The following STIMATE variants were observed in gnomAD, a reference collection of about 807,000 sequenced individuals.
STIMATE encodes STIM activating enhancer.
Under a neutral mutation model 36.7 loss-of-function variants are expected in STIMATE, and 15 were observed. The ratio of observed to expected loss-of-function variants is 0.41; its 90% CI spans 0.27 to 0.63. The LOEUF is 0.63. Ranked by LOEUF, STIMATE falls within the 20% of genes least tolerant of loss-of-function variation. STIMATE has a pLI of 0.32. For synonymous variants in STIMATE, 163 were observed against 162.3 expected (o/e 1.00, Z -0.03); for missense variants, 305 against 397.3 (o/e 0.77, Z 1.98).
chr3:52,877,830 T>C (rs1701526914), intron 1 of STIMATE, among the ~76,000 whole-genome samples: 2 of 152,110 alleles, frequency 1.3e-5, no homozygotes, highest in Admixed American at 6.5e-5. Flanking sequence ...GTGTGGTGGC[T>C]CACGCCTGTA....
At chr3:52,857,728 A>C (rs1701131148) in intron 1 of STIMATE, among the ~76,000 whole-genome samples, 1 of 150,208 alleles carries the variant, frequency 6.7e-6, no homozygotes, top group Non-Finnish European at 1.5e-5. Flanking sequence ...AATACAACAA[A>C]TTATATAATA....
intron 1 of STIMATE, among the ~76,000 whole-genome samples, chr3:52,890,704 T>A (rs1266954916): frequency 6.6e-6 from 1 of 152,272 alleles, no homozygotes; most frequent in Non-Finnish European, 1.5e-5. Flanking sequence ...AGGATAATTC[T>A]TCTGGGTAAA....
At chr3:52,882,864 GGGA>G (rs1322618001) in intron 1 of STIMATE, among the ~76,000 whole-genome samples, 6 of 152,280 alleles carry the variant, frequency 3.9e-5, no homozygotes, top group Admixed American at 1.3e-4. Flanking sequence ...AGCAGTGCAT[GGGA>G]GGATGGAGAA....
intron 1 of STIMATE, among the ~76,000 whole-genome samples, chr3:52,875,785 C>T (rs556918944): frequency 5.5e-4 from 84 of 152,312 alleles, no homozygotes; most frequent in African/African-American, 2.0e-3. Context: ...GATGATTACA[C>T]CTGCCCTCTT....
chr3:52,880,641 G>C (rs565405411), intron 1 of STIMATE, among the ~76,000 whole-genome samples: 1 of 152,068 alleles, frequency 6.6e-6, no homozygotes, highest in Non-Finnish European at 1.5e-5. Flanking sequence ...CTTTGAAAGG[G>C]CTCATAGGAA....
At chr3:52,850,711 GC>G (rs1700983554) in intron 3 of STIMATE, among the ~76,000 whole-genome samples, 1 of 151,276 alleles carries the variant, frequency 6.6e-6, no homozygotes, top group Non-Finnish European at 1.5e-5. Context: ...CTGCAGTCAA[GC>G]ATAAGTAATA....
intron 1 of STIMATE, among the ~76,000 whole-genome samples, chr3:52,878,019 G>A (rs542854463): frequency 1.5e-3 from 234 of 151,966 alleles, no homozygotes; most frequent in Middle Eastern, 3.4e-3. Flanking sequence ...GCATGAACCC[G>A]GGAGGTGGAG....
intron 1 of STIMATE, among the ~76,000 whole-genome samples, chr3:52,857,739 A>C (rs1290701241): frequency 3.3e-5 from 5 of 149,916 alleles, no homozygotes; most frequent in South Asian, 4.2e-4. Context: ...TTATATAATA[A>C]ATCTTATAAT....
intron 1 of STIMATE, among the ~76,000 whole-genome samples, chr3:52,879,106 C>T (rs1701560191): frequency 6.6e-6 from 1 of 152,194 alleles, no homozygotes; most frequent in Non-Finnish European, 1.5e-5. Context: ...TCTCATGATA[C>T]TAGAATTATT....
chr3:52,892,978 G>A (rs1416675368), intron 1 of STIMATE, among the ~76,000 whole-genome samples: 1 of 150,926 alleles, frequency 6.6e-6, no homozygotes, highest in East Asian at 1.9e-4. Flanking sequence ...GAAACACCCA[G>A]ACAACTCCAG....
chr3:52,849,764 G>A (rs377748266), intron 4 of STIMATE, 28 bp downstream of exon 4: 101 of 1,604,070 alleles, frequency 6.3e-5, no homozygotes, highest in Non-Finnish European at 8.3e-5. Flanking sequence ...GTTCCCTCAC[G>A]CCCTGTCCGG....
chr3:52,869,561 A>G (rs1701367032), intron 1 of STIMATE, among the ~76,000 whole-genome samples: 1 of 152,216 alleles, frequency 6.6e-6, no homozygotes, highest in African/African-American at 2.4e-5. Flanking sequence ...CTGGGTCCCC[A>G]AAGTCTCTTA....
chr3:52,885,213 T>C (rs1036698505), intron 1 of STIMATE, among the ~76,000 whole-genome samples: 1 of 152,240 alleles, frequency 6.6e-6, no homozygotes, highest in African/African-American at 2.4e-5. Context: ...CATTTGTATA[T>C]CTTTTCTGGA....
intron 2 of STIMATE, among the ~76,000 whole-genome samples, chr3:52,854,102 G>A (rs1292882326): frequency 2.6e-5 from 1 of 37,770 alleles, no homozygotes; most frequent in Non-Finnish European, 9.6e-5. Flanking sequence ...TTTGGTCTCT[G>A]TCCTGGTTTC....
chr3:52,876,751 T>C (rs1203717383), intron 1 of STIMATE, among the ~76,000 whole-genome samples: 3 of 152,220 alleles, frequency 2.0e-5, no homozygotes, highest in African/African-American at 7.2e-5. Context: ...ATAATACATA[T>C]ATAAAATATG....
chr3:52,890,238 G>C (rs1424345823), intron 1 of STIMATE, among the ~76,000 whole-genome samples: 1 of 152,246 alleles, frequency 6.6e-6, no homozygotes, highest in Non-Finnish European at 1.5e-5. Flanking sequence ...ACCAGTCTCA[G>C]CTCTTCGTCA....
intron 1 of STIMATE, among the ~76,000 whole-genome samples, chr3:52,862,661 T>A (rs897358215): frequency 3.9e-5 from 6 of 152,134 alleles, no homozygotes; most frequent in African/African-American, 1.4e-4. Context: ...TATAGGTGAG[T>A]TTTCCCCTCA....
intron 3 of STIMATE, 117 bp from the exon 4 acceptor site, chr3:52,850,030 G>A: frequency 2.1e-6 from 3 of 1,434,784 alleles, no homozygotes; most frequent in Non-Finnish European, 2.7e-6. Context: ...GGCCCATTCT[G>A]GGGGCTGGGA....
At chr3:52,866,124 C>G (rs1701305181) in intron 1 of STIMATE, among the ~76,000 whole-genome samples, 1 of 152,238 alleles carries the variant, frequency 6.6e-6, no homozygotes, top group African/African-American at 2.4e-5. Flanking sequence ...TTCCTAGAGG[C>G]ACACTTGCTA....
Sources: gnomAD v4.1 joint callset for allele counts (sites outside exome capture counted in the v4.1 genomes callset) on GRCh38, gnomAD v4.1.1 for gene constraint, MANE v1.5 for transcripts, NCBI Gene and HGNC (gene_info 2026-07-23, HGNC 2026-07-21) for gene names.